The following ST3GAL3 variants were observed in gnomAD, a reference collection of about 807,000 sequenced individuals.
ST3GAL3 encodes ST3 beta-galactoside alpha-2,3-sialyltransferase 3, also known as CMP-N-acetylneuraminate-beta-1,4-galactoside alpha-2,3-sialyltransferase.
ST3GAL3 carries 21 observed loss-of-function variants against 50.1 expected under a neutral mutation model. That is an observed-to-expected ratio of 0.42 (90% CI 0.30 to 0.60). The LOEUF is 0.60. ST3GAL3 is among the 20% of genes least tolerant of loss of function. The pLI is 0.19. For missense variants in ST3GAL3, 353 were observed against 489.4 expected (o/e 0.72, Z 2.63); for synonymous variants, 183 against 190.0 (o/e 0.96, Z 0.30).
intron 9 of ST3GAL3, among the ~76,000 whole-genome samples, chr1:43,904,472 G>A (rs1324205852): frequency 1.3e-5 from 2 of 151,942 alleles, no homozygotes; most frequent in African/African-American, 2.4e-5. Flanking sequence ...ACCAGTGGCC[G>A]CAGCTCTTTC....
At chr1:43,856,896 T>G (rs1045131997) in intron 5 of ST3GAL3, among the ~76,000 whole-genome samples, 15 of 152,316 alleles carry the variant, frequency 9.8e-5, no homozygotes, top group Middle Eastern at 3.4e-3. Context: ...TGCTCTATCT[T>G]CCAATTCTCA....
Position 43,930,388 on chromosome 1 carries a change from G to A in ST3GAL3, c.*167G>A. Reference sequence around the variant, plus strand: ...TGTGCCTGCTCAGCAGCCAGTCTCAGAGACCAGCACTCAGCCTCATTCAGC... The same window carrying A: ...TGTGCCTGCTCAGCAGCCAGTCTCAAAGACCAGCACTCAGCCTCATTCAGC... On this transcript the variant is annotated 3_prime_UTR_variant, in exon 12 of 12. Transcript: ENST00000347631. 1.4e-6 allele frequency: 1 copy of A among 707,830 alleles called. No homozygotes were observed. The highest frequency in any genetic ancestry group is 2.5e-6 in the Non-Finnish European group (1 of 394,462). The allele number at this position is 707,830 out of a possible 1,614,324, so 43.8% of individuals were successfully genotyped here.
chr1:43,924,795 AT>A (rs980680175), intron 11 of ST3GAL3, among the ~76,000 whole-genome samples: 5 of 152,194 alleles, frequency 3.3e-5, no homozygotes, highest in Non-Finnish European at 7.3e-5. Context: ...AAGAAATAGG[AT>A]TTTAACTCAG....
At chr1:43,813,903 G>GCACA (rs57672840) in intron 3 of ST3GAL3, among the ~76,000 whole-genome samples, 3 of 125,774 alleles carry the variant, frequency 2.4e-5, no homozygotes, top group South Asian at 2.7e-4. Context: ...ACGCACACAC[G>GCACA]CACACACACA....
intron 2 of ST3GAL3, among the ~76,000 whole-genome samples, chr1:43,751,889 G>A (rs1451965156): frequency 6.6e-6 from 1 of 151,758 alleles, no homozygotes; most frequent in Non-Finnish European, 1.5e-5. Context: ...GCGCGATCTC[G>A]GCTCACTGCA....
intron 9 of ST3GAL3, among the ~76,000 whole-genome samples, chr1:43,911,606 GATATCTACAGATATATCTATAGATATCT>G (rs201968329): frequency 0.058 from 8,517 of 146,394 alleles, 1,132 homozygotes; most frequent in East Asian, 0.14. Context: ...TGTAGCTATA[GATATCTACAGATATATCTATAGATATCT>G]ATATCTATAG....
chr1:43,796,838 CA>C (rs2058735101), intron 3 of ST3GAL3, among the ~76,000 whole-genome samples: 3 of 152,106 alleles, frequency 2.0e-5, no homozygotes, highest in Admixed American at 2.0e-4. Context: ...AAATGCTCCC[CA>C]AAGTAAAGGC....
intron 1 of ST3GAL3, among the ~76,000 whole-genome samples, chr1:43,731,204 A>G (rs2154084136): frequency 6.6e-6 from 1 of 151,750 alleles, no homozygotes; most frequent in Admixed American, 6.6e-5. Flanking sequence ...CCATGCCTGA[A>G]TAATATTTTT....
At chr1:43,776,060 TTTAC>T (rs1470412507) in intron 2 of ST3GAL3, among the ~76,000 whole-genome samples, 2 of 152,188 alleles carry the variant, frequency 1.3e-5, no homozygotes, top group East Asian at 1.9e-4. Context: ...CACCATACAA[TTTAC>T]TTACTTAAAG....
At chr1:43,903,731 C>A (rs1308034398) in intron 9 of ST3GAL3, among the ~76,000 whole-genome samples, 1 of 152,156 alleles carries the variant, frequency 6.6e-6, no homozygotes, top group Non-Finnish European at 1.5e-5. Flanking sequence ...GAGACTGAGT[C>A]CCTGATCTTA....
At chr1:43,814,031 A>T (rs1265799792) in intron 3 of ST3GAL3, among the ~76,000 whole-genome samples, 1 of 152,112 alleles carries the variant, frequency 6.6e-6, no homozygotes, top group African/African-American at 2.4e-5. Flanking sequence ...ATTTCCCTCA[A>T]GTCTTAGTAT....
chr1:43,784,881 A>C (rs1278511803), intron 2 of ST3GAL3, among the ~76,000 whole-genome samples: 2 of 152,170 alleles, frequency 1.3e-5, no homozygotes, highest in African/African-American at 4.8e-5. Context: ...CCTCTTTGCC[A>C]CATTGGGATA....
At chr1:43,715,634 T>A (rs753359612) in intron 1 of ST3GAL3, among the ~76,000 whole-genome samples, 1 of 150,362 alleles carries the variant, frequency 6.7e-6, no homozygotes, top group Non-Finnish European at 1.5e-5. Flanking sequence ...TTCAAAAAAT[T>A]AAAAAATTAG....
At chr1:43,735,924 G>C (rs796288476) in intron 1 of ST3GAL3, among the ~76,000 whole-genome samples, 10 of 152,358 alleles carry the variant, frequency 6.6e-5, no homozygotes, top group African/African-American at 2.4e-4. Context: ...ATCTAGGGTA[G>C]TGATCATGGG....
chr1:43,923,125 G>A (rs1195534266), intron 11 of ST3GAL3, among the ~76,000 whole-genome samples: 2 of 151,846 alleles, frequency 1.3e-5, no homozygotes, highest in Non-Finnish European at 2.9e-5. Flanking sequence ...AGTTGTCTGG[G>A]AGCGCTGGTG....
chr1:43,897,681 G>T (rs1002359615), intron 6 of ST3GAL3, among the ~76,000 whole-genome samples: 1 of 152,196 alleles, frequency 6.6e-6, no homozygotes, highest in Non-Finnish European at 1.5e-5. Flanking sequence ...GGTAAAGACA[G>T]CCTGGCAAAG....
At chr1:43,843,764 C>G in intron 5 of ST3GAL3, among the ~76,000 whole-genome samples, 1 of 152,202 alleles carries the variant, frequency 6.6e-6, no homozygotes, top group East Asian at 1.9e-4. Context: ...ACTTCTGACA[C>G]CAGATGTGTG....
Position 43,871,427 on chromosome 1 carries a change from G to C in ST3GAL3, c.303-22956G>C, listed in dbSNP as rs1032465941. 2.0e-5 allele frequency among the ~76,000 whole-genome samples: 3 copies of C among 151,754 alleles called. No individual in the cohort carries two copies. In the South Asian group the frequency reaches 6.3e-4, roughly 32 times the overall value. ...GTTAATGGAGTGTGAGGGAGAGGAC[G>C]GGGTGTGAGGGAGAAGATGGCATGT... On this transcript the variant is annotated intron_variant, in intron 5 of 11. Coordinates refer to ENST00000347631, the MANE Select transcript of ST3GAL3 (RefSeq NM_006279.5).
intron 5 of ST3GAL3, among the ~76,000 whole-genome samples, chr1:43,844,425 A>C (rs958856088): frequency 1.3e-5 from 2 of 152,352 alleles, no homozygotes; most frequent in African/African-American, 4.8e-5. Flanking sequence ...ATTTGAAGGA[A>C]TTTAGCAGCT....
Sources: allele counts gnomAD v4.1 joint callset (sites outside exome capture counted in the v4.1 genomes callset), GRCh38; gene constraint gnomAD v4.1.1; transcripts MANE v1.5; gene names NCBI Gene and HGNC (gene_info 2026-07-23, HGNC 2026-07-21).